The following TSHR variants were observed in gnomAD, a reference collection of about 807,000 sequenced individuals.
TSHR encodes thyroid stimulating hormone receptor, also known as thyrotropin receptor.
TSHR carries 51 observed loss-of-function variants against 64.1 expected under a neutral mutation model. The observed-to-expected ratio is 0.80, with a 90% CI of 0.64 to 1.01. TSHR has a LOEUF of 1.01. Among genes scored for constraint, TSHR ranks in the 50% least tolerant of loss-of-function variants. The probability of loss-of-function intolerance (pLI) is 0.00; values close to 1 mark genes in which losing one functional copy is unlikely to be tolerated. For synonymous variants in TSHR, 361 were observed against 361.9 expected (o/e 1.00, Z 0.03); for missense variants, 877 against 942.8 (o/e 0.93, Z 0.91).
At chr14:80,961,628 C>T (rs944074482) in intron 1 of TSHR, among the ~76,000 whole-genome samples, 3 of 152,116 alleles carry the variant, frequency 2.0e-5, no homozygotes, top group African/African-American at 7.2e-5. Context: ...GAGGTGAATT[C>T]TGATGTCCTT....
rs1891758635 is a variant in TSHR at position 81,142,946 on chromosome 14, T to G, written c.888T>G (p.Leu296=). The part of the protein sequence containing the change: ...FKNQKKIRGI[L]ESLMCNESSM... Reference sequence around the variant, plus strand: ...CTTTTCTGTTGCCTTGCAGAATCCTTGAGTCCTTGATGTGTAATGAGAGCA... The same window carrying G: ...CTTTTCTGTTGCCTTGCAGAATCCTGGAGTCCTTGATGTGTAATGAGAGCA... Residue 296 remains leucine, a synonymous_variant, in exon 10 of 10, where the codon CTT becomes CTG. Transcript: ENST00000298171. 1.2e-6 allele frequency: 2 copies of G among 1,614,062 alleles called. No homozygotes were observed. The highest frequency in any genetic ancestry group is 2.7e-5 in the African/African-American group (2 of 75,022).
chr14:81,071,891 T>A lies in TSHR; in HGVS notation c.317+3563T>A, dbSNP rs139332808. ...CCTTTCAGTAATATTACATTTCATT[T>A]CTTGGCTTCATTTTCATCTTTATTG... On this transcript the variant is annotated intron_variant, in intron 3 of 9. Transcript: ENST00000298171. Among the ~76,000 whole-genome samples the A allele has an allele frequency of 4.4e-3, 674 of 152,378 alleles. 3 individuals are homozygous for A. Among genetic ancestry groups the A allele is most frequent in the Middle Eastern group, 0.031 (9 of 294 alleles).
chr14:81,086,030 G>T (rs1888262239), intron 3 of TSHR, among the ~76,000 whole-genome samples: 1 of 152,182 alleles, frequency 6.6e-6, no homozygotes, highest in South Asian at 2.1e-4. Flanking sequence ...GTATAAAGAG[G>T]ATCTTTCCAT....
chr14:81,137,051 C>T (rs1891483531), intron 8 of TSHR, among the ~76,000 whole-genome samples: 3 of 152,146 alleles, frequency 2.0e-5, no homozygotes, highest in Non-Finnish European at 4.4e-5. Context: ...ATTTCTTTGT[C>T]TGAATTTTAG....
intron 3 of TSHR, among the ~76,000 whole-genome samples, chr14:81,084,844 C>G (rs769278974): frequency 6.6e-6 from 1 of 152,170 alleles, no homozygotes; most frequent in Non-Finnish European, 1.5e-5. Context: ...AATTTGAACG[C>G]CTCTTTCACC....
chr14:81,073,387 T>C (rs1038063982), intron 3 of TSHR, among the ~76,000 whole-genome samples: 2 of 152,072 alleles, frequency 1.3e-5, no homozygotes, highest in African/African-American at 4.8e-5. Flanking sequence ...CATATTGGCT[T>C]ATAAAAAATA....
chr14:81,095,910 C>T lies in TSHR; in HGVS notation c.546-729C>T, dbSNP rs552782539. On this transcript the variant is annotated intron_variant, in intron 6 of 9. Coordinates refer to ENST00000298171, the MANE Select transcript of TSHR (RefSeq NM_000369.5). The stretch of plus-strand genomic sequence containing the variant: ...CAAAAATTAGCCAGGCATGGTGGCA[C>T]ATGCCTATAGTCCCAACTGTTTGAG... Among the ~76,000 whole-genome samples the T allele has an allele frequency of 6.3e-4, 96 of 152,144 alleles. 1 individual carries two copies. The South Asian group carries it at 0.02, about 31-fold the overall frequency.
Position 81,144,302 on chromosome 14 carries a change from C to T in TSHR, c.2244C>T (p.Thr748=). The T allele has an allele frequency of 6.2e-7, 1 of 1,614,120 alleles. No individual in the cohort carries two copies. The highest frequency in any genetic ancestry group is 8.5e-7 in the Non-Finnish European group (1 of 1,180,016). ...VYELIENSHL[T]PKKQGQISEE... ...AACTGATTGAAAACTCCCATCTAAC[C>T]CCAAAGAAGCAAGGCCAAATCTCAG... Residue 748 remains threonine (T), a synonymous_variant, in exon 10 of 10, where the codon ACC becomes ACT. Coordinates refer to ENST00000298171, the MANE Select transcript of TSHR (RefSeq NM_000369.5).
chr14:80,975,312 T>C (rs1054951883), intron 1 of TSHR, among the ~76,000 whole-genome samples: 24 of 152,384 alleles, frequency 1.6e-4, no homozygotes, highest in Middle Eastern at 6.8e-3. Context: ...CCCATCCTTT[T>C]CTTCTCCACT....
intron 2 of TSHR, 60 bp from the exon 3 acceptor site, chr14:81,068,194 T>G: frequency 1.3e-6 from 2 of 1,503,692 alleles, no homozygotes. Context: ...AAAAATAGTA[T>G]GTTTGAAGTT....
At chr14:81,121,303 C>A (rs896377054) in intron 8 of TSHR, among the ~76,000 whole-genome samples, 1 of 152,092 alleles carries the variant, frequency 6.6e-6, no homozygotes, top group African/African-American at 2.4e-5. Flanking sequence ...AATCGGAATG[C>A]CCTCAGCCTT....
At chr14:81,121,891 C>T (rs892183069) in intron 8 of TSHR, among the ~76,000 whole-genome samples, 55 of 149,888 alleles carry the variant, frequency 3.7e-4, no homozygotes, top group Non-Finnish European at 6.7e-4. Flanking sequence ...GCAAGTGAGC[C>T]GAGATTGCAC....
chr14:81,041,286 T>C (rs1227243592), intron 1 of TSHR, among the ~76,000 whole-genome samples: 1 of 152,036 alleles, frequency 6.6e-6, no homozygotes, highest in Non-Finnish European at 1.5e-5. Context: ...TCATCAATGA[T>C]AGAATGGATA....
intron 5 of TSHR, among the ~76,000 whole-genome samples, chr14:81,091,682 C>T (rs766507094): frequency 6.6e-6 from 1 of 152,204 alleles, no homozygotes; most frequent in Non-Finnish European, 1.5e-5. Context: ...CTCCTCTCAG[C>T]CACCTTATAA....
At chr14:81,088,212 CA>C (rs1490703655) in intron 4 of TSHR, among the ~76,000 whole-genome samples, 184 bp downstream of exon 4, 2 of 152,148 alleles carry the variant, frequency 1.3e-5, no homozygotes, top group African/African-American at 2.4e-5. Flanking sequence ...CAAAAGTCAG[CA>C]CATAATGCTG....
chr14:80,959,006 A>G (rs987735760), intron 1 of TSHR, among the ~76,000 whole-genome samples: 20 of 152,218 alleles, frequency 1.3e-4, no homozygotes, highest in African/African-American at 4.1e-4. Flanking sequence ...AACTCTTTCT[A>G]AACTTTATCT....
At position 81,075,738 on chromosome 14, in the gene TSHR, G is replaced by A. The variant is rs183137539; in HGVS notation, c.317+7410G>A. On this transcript the variant is annotated intron_variant, in intron 3 of 9. Transcript: ENST00000298171. ...CAACCATTGTGGAAGTCAGTGTGGC[G>A]ATTCCTCAGGGATCTAGAACTAGAA... is the stretch of plus-strand genomic sequence containing the variant. 8.8e-3 allele frequency among the ~76,000 whole-genome samples: 1,318 copies of A among 149,142 alleles called. 15 individuals carry two copies. Among genetic ancestry groups the A allele is most frequent in the African/African-American group, 0.03 (1,218 of 40,380 alleles).
chr14:81,094,199 A>G (rs556984523), intron 6 of TSHR: 1 of 152,382 alleles, frequency 6.6e-6, no homozygotes, highest in South Asian at 2.1e-4. Flanking sequence ...ACATGTTCCA[A>G]CAACCGACTT....
intron 8 of TSHR, among the ~76,000 whole-genome samples, chr14:81,109,989 C>G (rs971632548): frequency 3.3e-5 from 5 of 152,040 alleles, no homozygotes; most frequent in Non-Finnish European, 7.4e-5. Context: ...TACTACTTCG[C>G]CAAGTAATAA....
Sources: gnomAD v4.1 joint callset for allele counts (sites outside exome capture counted in the v4.1 genomes callset) on GRCh38, gnomAD v4.1.1 for gene constraint, MANE v1.5 for transcripts, NCBI Gene and HGNC (gene_info 2026-07-23, HGNC 2026-07-21) for gene names.